The following DOCK7 variants were observed in gnomAD, a reference collection of about 807,000 sequenced individuals.
DOCK7 encodes dedicator of cytokinesis protein 7.
DOCK7 carries 138 observed loss-of-function variants against 271.0 expected under a neutral mutation model. The ratio of observed to expected loss-of-function variants is 0.51; its 90% CI spans 0.44 to 0.59. The LOEUF (loss-of-function observed/expected upper bound fraction) is 0.59, where lower values mean the gene tolerates loss of function less well. Ranked by LOEUF, DOCK7 falls within the 20% of genes least tolerant of loss-of-function variation. The probability of loss-of-function intolerance (pLI) is 0.00; values close to 1 mark genes in which losing one functional copy is unlikely to be tolerated. For missense variants in DOCK7, 2,066 were observed against 2,592.4 expected (o/e 0.80, Z 4.41); for synonymous variants, 823 against 876.1 (o/e 0.94, Z 1.07).
chr1:62,668,368 T>C (rs1659553332), intron 1 of DOCK7, among the ~76,000 whole-genome samples: 1 of 152,142 alleles, frequency 6.6e-6, no homozygotes, highest in African/African-American at 2.4e-5. Flanking sequence ...GAAAAACAGA[T>C]TTATGAGATA....
chr1:62,586,711 A>T, intron 14 of DOCK7, 87 bp from the exon 15 acceptor site: 1 of 734,956 alleles, frequency 1.4e-6, no homozygotes, highest in Non-Finnish European at 2.2e-6. Flanking sequence ...ATAAGTGACC[A>T]AATACTGAAT....
intron 40 of DOCK7, among the ~76,000 whole-genome samples, chr1:62,493,580 T>A (rs1042637624): frequency 6.6e-6 from 1 of 152,220 alleles, no homozygotes; most frequent in African/African-American, 2.4e-5. Flanking sequence ...CCCCAATCTA[T>A]TTGTCTGGCC....
At chr1:62,568,274 A>T (rs979435316) in intron 18 of DOCK7, among the ~76,000 whole-genome samples, 4 of 151,956 alleles carry the variant, frequency 2.6e-5, no homozygotes, top group Admixed American at 6.6e-5. Context: ...AATTTATAGC[A>T]CTAAAATGCC....
At chr1:62,495,047 C>T (rs576059897) in intron 39 of DOCK7, 17 of 152,224 alleles carry the variant, frequency 1.1e-4, no homozygotes, top group Middle Eastern at 3.4e-3. Flanking sequence ...TTAATGTTAT[C>T]GTAAAACATT....
intron 18 of DOCK7, among the ~76,000 whole-genome samples, chr1:62,571,353 T>C (rs1646771865): frequency 6.6e-6 from 1 of 152,148 alleles, no homozygotes; most frequent in Non-Finnish European, 1.5e-5. Context: ...CACAATGAGA[T>C]ACCATCTCAC....
chr1:62,497,813 G>A (rs985502358), intron 37 of DOCK7, among the ~76,000 whole-genome samples: 2 of 152,130 alleles, frequency 1.3e-5, no homozygotes, highest in African/African-American at 4.8e-5. Context: ...AAGTTTTGAG[G>A]ATAAAATTAA....
chr1:62,527,850 A>C (rs1181723178), intron 31 of DOCK7, among the ~76,000 whole-genome samples: 8 of 143,700 alleles, frequency 5.6e-5, no homozygotes, highest in African/African-American at 2.1e-4. Context: ...CATGTTGTGC[A>C]CATGTACCCT....
chr1:62,648,863 T>G (rs1656994098), intron 4 of DOCK7, among the ~76,000 whole-genome samples: 1 of 152,040 alleles, frequency 6.6e-6, no homozygotes, highest in South Asian at 2.1e-4. Context: ...TAACTTGGGT[T>G]AAAGAATAAA....
intron 33 of DOCK7, chr1:62,510,949 A>C: frequency 3.0e-6 from 1 of 335,574 alleles, no homozygotes; most frequent in South Asian, 4.3e-5. Flanking sequence ...AATCTTAACC[A>C]TGGCTTATAA....
intron 15 of DOCK7, among the ~76,000 whole-genome samples, chr1:62,586,196 G>A (rs1647495333): frequency 6.6e-6 from 1 of 152,122 alleles, no homozygotes; most frequent in Non-Finnish European, 1.5e-5. Context: ...TACTTTGATA[G>A]AGTTCTCTAG....
intron 22 of DOCK7, among the ~76,000 whole-genome samples, chr1:62,545,507 T>C (rs560575096): frequency 6.6e-6 from 1 of 152,172 alleles, no homozygotes; most frequent in South Asian, 2.1e-4. Flanking sequence ...ACCCCATAAT[T>C]CTATTTGAGC....
chr1:62,620,044 GCA>G, intron 12 of DOCK7, 51 bp from the exon 13 acceptor site: 1 of 1,431,662 alleles, frequency 7.0e-7, no homozygotes, highest in Non-Finnish European at 9.8e-7. Context: ...ATATAGCCAG[GCA>G]CAGTGGCTCA....
intron 18 of DOCK7, among the ~76,000 whole-genome samples, chr1:62,576,445 C>CT (rs1399088176): frequency 6.6e-6 from 1 of 152,136 alleles, no homozygotes; most frequent in East Asian, 1.9e-4. Context: ...AGGCTCTGTG[C>CT]TATGTGGCTA....
At chr1:62,519,861 A>C (rs755815001) in intron 31 of DOCK7, among the ~76,000 whole-genome samples, 1 of 152,192 alleles carries the variant, frequency 6.6e-6, no homozygotes, top group Non-Finnish European at 1.5e-5. Context: ...CTATACTACA[A>C]GGCTACAGTA....
chr1:62,621,433 C>T (rs1475893458), intron 12 of DOCK7, among the ~76,000 whole-genome samples: 1 of 152,054 alleles, frequency 6.6e-6, no homozygotes, highest in Non-Finnish European at 1.5e-5. Flanking sequence ...ATCCAATCTT[C>T]CTGCTTTGAG....
In DOCK7 at chr1:62,577,316, G is replaced by T; in HGVS notation, c.2058C>A (p.Cys686Ter). ...GTGGTTTTTCCAATGAGACTGGCAA[G>T]CAAAACTGGCCAGTCTTCAACCGTC... ...QNGRLKTGQF[C>*]LPVSLEKPPQ... is the part of the protein sequence containing the mutation. Residue 686 changes from cysteine to a stop codon, truncating the protein, a stop_gained, in exon 18 of 50, where the codon TGC (cysteine) becomes TGA (stop). Coordinates refer to ENST00000635253, the MANE Select transcript of DOCK7 (RefSeq NM_001367561.1). LOFTEE classifies it high-confidence loss of function. 6.3e-7 allele frequency: 1 copy of T among 1,591,774 alleles called. No individual in the cohort carries two copies. Among genetic ancestry groups the T allele is most frequent in the Non-Finnish European group, 8.6e-7 (1 of 1,166,650 alleles).
intron 39 of DOCK7, 58 bp downstream of exon 39, chr1:62,495,523 T>A: frequency 2.8e-6 from 3 of 1,055,584 alleles, no homozygotes; most frequent in Non-Finnish European, 4.0e-6. Context: ...ATCTAATGCT[T>A]ACTGTATGTC....
chr1:62,675,629 A>G (rs756725767), intron 1 of DOCK7, among the ~76,000 whole-genome samples: 9 of 151,436 alleles, frequency 5.9e-5, no homozygotes, highest in Non-Finnish European at 1.3e-4. Flanking sequence ...AAAAATACAA[A>G]AAGAAATTAG....
At chr1:62,560,954 G>A (rs1187669590) in intron 19 of DOCK7, among the ~76,000 whole-genome samples, 2 of 152,008 alleles carry the variant, frequency 1.3e-5, no homozygotes, top group African/African-American at 4.8e-5. Context: ...ATCTAATGTG[G>A]GAAAGAAACA....
Sources: gnomAD v4.1 joint callset for allele counts (sites outside exome capture counted in the v4.1 genomes callset) on GRCh38, gnomAD v4.1.1 for gene constraint, MANE v1.5 for transcripts, NCBI Gene and HGNC (gene_info 2026-07-23, HGNC 2026-07-21) for gene names.